The following PIEZO2 variants were observed in gnomAD, a reference collection of about 807,000 sequenced individuals.
PIEZO2 encodes piezo type mechanosensitive ion channel component 2.
A neutral mutation model predicts 337.3 loss-of-function variants in PIEZO2; 172 were observed. The ratio of observed to expected loss-of-function variants is 0.51; its 90% confidence interval spans 0.45 to 0.58. The LOEUF is 0.58. PIEZO2 is among the 20% of genes least tolerant of loss of function. The pLI is 0.00. For synonymous variants in PIEZO2, 1,251 were observed against 1,228.5 expected, an observed-to-expected ratio of 1.02 and a Z score of -0.38; for missense variants, 3,028 against 3,391.3, an observed-to-expected ratio of 0.89 and a Z score of 2.66.
In PIEZO2 at chr18:11,009,021, C is replaced by T. The variant is rs2035808272; in HGVS notation, c.161-29361G>A. On this transcript the variant is annotated intron_variant, in intron 2 of 55. Transcript: ENST00000674853. This position sits in a 1 kb window ranked among gnomAD's most constrained non-coding sequence, Gnocchi z 4.6. ...AAAAATGGCATTTTTACTGACTTCT[C>T]ATATTATCCTTTGTACTGTCTTGAA... Among the ~76,000 whole-genome samples, 2 of 152,190 alleles carry T rather than the reference C, an allele frequency of 1.3e-5. No individual in the cohort carries two copies. Among genetic ancestry groups the T allele is most frequent in the Admixed American group, 1.3e-4 (2 of 15,278 alleles).
intron 4 of PIEZO2, among the ~76,000 whole-genome samples, chr18:10,891,748 T>A (rs897735651): frequency 3.3e-5 from 5 of 152,236 alleles, no homozygotes; most frequent in African/African-American, 9.6e-5. Flanking sequence ...TAATTAGCTA[T>A]AAAAAATTCC....
In PIEZO2 at chr18:10,672,314, A is replaced by T. The variant is rs375469923; in HGVS notation, c.8345+376T>A. Among the ~76,000 whole-genome samples the T allele has an allele frequency of 6.6e-6, 1 of 152,196 alleles. No individual in the cohort carries two copies. Among genetic ancestry groups the T allele is most frequent in the Non-Finnish European group, 1.5e-5 (1 of 68,042 alleles). Reference sequence around the variant, plus strand: ...GATTTAAGCATCAGAACATGATGCGATGTTTCAGAAGTTCAAAAGCAGGAT... The same window carrying T: ...GATTTAAGCATCAGAACATGATGCGTTGTTTCAGAAGTTCAAAAGCAGGAT... On this transcript the variant is annotated intron_variant, in intron 55 of 55. Transcript: ENST00000674853. This position sits in a 1 kb window ranked among gnomAD's most constrained non-coding sequence, Gnocchi z 4.7.
rs181627268 is a variant in PIEZO2 at position 10,833,293 on chromosome 18, C to T, written c.917+22060G>A. On this transcript the variant is annotated intron_variant, in intron 7 of 55. Transcript: ENST00000674853. The surrounding 1 kb of genome is among the most constrained non-coding windows in gnomAD (Gnocchi z 4.7). Reference sequence around the variant, plus strand: ...GCACAGAGATGAAACACAGTTCTGACGCACTGGGATTCACTTATTTTTCCT... The same window carrying T: ...GCACAGAGATGAAACACAGTTCTGATGCACTGGGATTCACTTATTTTTCCT... 5.5e-3 allele frequency among the ~76,000 whole-genome samples: 832 copies of T among 152,222 alleles called. 12 individuals carry two copies. The highest frequency in any genetic ancestry group is 0.024 in the Admixed American group (370 of 15,296).
intron 7 of PIEZO2, among the ~76,000 whole-genome samples, chr18:10,836,835 C>T (rs941360849): frequency 6.6e-6 from 1 of 152,134 alleles, no homozygotes; most frequent in South Asian, 2.1e-4. Flanking sequence ...AATATCTGCA[C>T]AGGTTGGGAG....
chr18:10,977,001 ATGTGTG>A (rs59666101), intron 3 of PIEZO2, among the ~76,000 whole-genome samples: 24 of 142,910 alleles, frequency 1.7e-4, no homozygotes, highest in Admixed American at 3.5e-4. Context: ...AAGAACAAAT[ATGTGTG>A]TGTGTGTGTG....
Position 10,863,110 on chromosome 18 carries a change from A to G in PIEZO2, c.493-5899T>C, listed in dbSNP as rs556481100. 5.8e-4 allele frequency among the ~76,000 whole-genome samples: 88 copies of G among 152,298 alleles called. No homozygotes were observed. The highest frequency in any genetic ancestry group is 2.0e-3 in the African/African-American group (85 of 41,564). On this transcript the variant is annotated intron_variant, in intron 5 of 55. Transcript: ENST00000674853. This position sits in a 1 kb window ranked among gnomAD's most constrained non-coding sequence, Gnocchi z 4.3. ...GGGAGGCAAAAGGAGCATTTTTCTGAAGTGTCATCAATTGTTTATTCATTG... is the reference window on the plus strand; with the variant it reads ...GGGAGGCAAAAGGAGCATTTTTCTGGAGTGTCATCAATTGTTTATTCATTG...
intron 1 of PIEZO2, among the ~76,000 whole-genome samples, chr18:11,085,999 G>C (rs988454539): frequency 6.6e-6 from 1 of 151,992 alleles, no homozygotes; most frequent in Non-Finnish European, 1.5e-5. Context: ...TTCCAGCATC[G>C]AGTACAATAT....
chr18:11,085,274 A>G (rs2038873226), intron 1 of PIEZO2, among the ~76,000 whole-genome samples: 1 of 152,006 alleles, frequency 6.6e-6, no homozygotes, highest in Non-Finnish European at 1.5e-5. Context: ...CCCCAACCCC[A>G]GCTACCTGGC....
At chr18:11,067,808 A>G (rs867439483) in intron 1 of PIEZO2, among the ~76,000 whole-genome samples, 1 of 152,248 alleles carries the variant, frequency 6.6e-6, no homozygotes, top group Non-Finnish European at 1.5e-5. Context: ...CAGATTATCC[A>G]GACAGAAAAT....
At chr18:10,975,493 A>G (rs2034408510) in intron 3 of PIEZO2, among the ~76,000 whole-genome samples, 1 of 152,022 alleles carries the variant, frequency 6.6e-6, no homozygotes, top group Admixed American at 6.6e-5. Flanking sequence ...AAAAAAAGGC[A>G]GAAGGGAGTG....
chr18:10,677,647 A>G lies in PIEZO2; in HGVS notation c.8081+100T>C. 1.5e-6 allele frequency: 2 copies of G among 1,367,092 alleles called. No individual in the cohort carries two copies. The highest frequency in any genetic ancestry group is 2.0e-6 in the Non-Finnish European group (2 of 992,192). 84.7% of individuals were successfully genotyped at this position (1,367,092 alleles called of 1,614,324 possible). On this transcript the variant is annotated intron_variant, in intron 53 of 55. Coordinates refer to ENST00000674853, the MANE Select transcript of PIEZO2 (RefSeq NM_001378183.1). This position sits in a 1 kb window ranked among gnomAD's most constrained non-coding sequence, Gnocchi z 4.1. ...GAAATTAACTTTGTGTTACCAAAGAATGAAGTTGCATTCCTCATACACATG... is the reference window on the plus strand; with the variant it reads ...GAAATTAACTTTGTGTTACCAAAGAGTGAAGTTGCATTCCTCATACACATG...
intron 47 of PIEZO2, among the ~76,000 whole-genome samples, chr18:10,691,801 A>ATATATATATATATATATATT (rs2034859576): frequency 7.2e-6 from 1 of 138,380 alleles, no homozygotes; most frequent in African/African-American, 2.8e-5. Flanking sequence ...ATATATATAT[A>ATATATATATATATATATATT]GAGAGAGAGA....
rs992060576 is a variant in PIEZO2, at chr18:10,731,583, C to G, written c.4915-62G>C. On this transcript the variant is annotated intron_variant, in intron 35 of 55. Transcript: ENST00000674853. ...AATAATTTGAAATAAAAGGGACCTA[C>G]ACCAAGCTTCCTGACTTTTGAAATA... 1.7e-5 allele frequency: 18 copies of G among 1,036,086 alleles called. No individual in the cohort carries two copies. The Admixed American group carries it at 5.7e-4, about 33-fold the overall frequency. 64.2% of individuals were successfully genotyped at this position (1,036,086 alleles called of 1,614,324 possible).
intron 1 of PIEZO2, among the ~76,000 whole-genome samples, chr18:11,139,373 G>T (rs2040578754): frequency 6.6e-6 from 1 of 152,118 alleles, no homozygotes; most frequent in East Asian, 1.9e-4. Flanking sequence ...GGAAGAGAAA[G>T]AATTTTTGTA....
chr18:10,955,459 G>A lies in PIEZO2; in HGVS notation c.286+24076C>T, dbSNP rs528038899. On this transcript the variant is annotated intron_variant, in intron 3 of 55. Transcript: ENST00000674853. ...GTCATCATGCAGCCACTAGAATAAA[G>A]TGCTTGTATTTTAGTGTTTTGCTTC... Among the ~76,000 whole-genome samples, 80 of 152,292 alleles carry A rather than the reference G, an allele frequency of 5.3e-4. 1 individual carries two copies. The South Asian group carries it at 7.7e-3, about 15-fold the overall frequency.
At chr18:10,782,381 T>A (rs1236169729) in intron 17 of PIEZO2, among the ~76,000 whole-genome samples, 1 of 98,008 alleles carries the variant, frequency 1.0e-5, no homozygotes, top group African/African-American at 4.2e-5. Flanking sequence ...TTATAATATA[T>A]TATAATTATA....
chr18:10,685,447 GCTT>G (rs1216061758), intron 49 of PIEZO2, among the ~76,000 whole-genome samples: 1 of 152,168 alleles, frequency 6.6e-6, no homozygotes, highest in Non-Finnish European at 1.5e-5. Flanking sequence ...TTAAAATGAG[GCTT>G]CTTATTTCTT....
At position 11,094,979 on chromosome 18, in the gene PIEZO2, T is replaced by C. The variant is rs919000061; in HGVS notation, c.65-28757A>G. Among the ~76,000 whole-genome samples, 1 of 152,218 alleles carries C rather than the reference T, an allele frequency of 6.6e-6. No homozygotes were observed. Among genetic ancestry groups the C allele is most frequent in the East Asian group, 1.9e-4 (1 of 5,184 alleles). ...CCCCAGGGCCATTTTCAGTGTGCCA[T>C]TGAAACTATGCCACCAAGTGTGGGG... On this transcript the variant is annotated intron_variant, in intron 1 of 55. Transcript: ENST00000674853. The surrounding 1 kb of genome is among the most constrained non-coding windows in gnomAD (Gnocchi z 4.4).
chr18:10,885,103 A>G (rs1324259557), intron 4 of PIEZO2, among the ~76,000 whole-genome samples: 1 of 152,118 alleles, frequency 6.6e-6, no homozygotes, highest in Non-Finnish European at 1.5e-5. Flanking sequence ...TGAATGCAAC[A>G]CCACACGTGT....
Sources: allele counts gnomAD v4.1 joint callset (sites outside exome capture counted in the v4.1 genomes callset), GRCh38; gene constraint gnomAD v4.1.1; non-coding constraint Gnocchi (gnomAD v3.1); transcripts MANE v1.5; gene names NCBI Gene and HGNC (gene_info 2026-07-23, HGNC 2026-07-21).